Variants in ZDHHC18 observed in about 807,000 individuals in gnomAD.
The protein encoded by ZDHHC18 is zDHHC palmitoyltransferase 18, also known as palmitoyltransferase ZDHHC18.
A neutral mutation model predicts 37.5 loss-of-function variants in ZDHHC18; 23 were observed. The observed-to-expected ratio is 0.61, with a 90% CI of 0.44 to 0.87. The LOEUF (loss-of-function observed/expected upper bound fraction) is 0.87. Among genes scored for constraint, ZDHHC18 ranks in the 40% least tolerant of loss-of-function variants. ZDHHC18 has a pLI of 0.00. For synonymous variants in ZDHHC18, 185 were observed against 218.7 expected, an observed-to-expected ratio of 0.85 and a Z score of 1.36; for missense variants, 406 against 525.6, an observed-to-expected ratio of 0.77 and a Z score of 2.22.
chr1:26,833,999 T>TA (rs1221917500), intron 2 of ZDHHC18, among the ~76,000 whole-genome samples: 2 of 152,178 alleles, frequency 1.3e-5, no homozygotes, highest in African/African-American at 4.8e-5. Flanking sequence ...TCCTCTCACC[T>TA]ACATCCAGCG....
At chr1:26,838,698 G>T (rs372763066) in intron 2 of ZDHHC18, among the ~76,000 whole-genome samples, 5 of 152,222 alleles carry the variant, frequency 3.3e-5, no homozygotes, top group African/African-American at 1.2e-4. Flanking sequence ...GCCATGCCAG[G>T]GTTCAAAATA....
At chr1:26,841,754 C>T (rs1038047676) in intron 2 of ZDHHC18, among the ~76,000 whole-genome samples, 16 of 152,264 alleles carry the variant, frequency 1.1e-4, no homozygotes, top group African/African-American at 3.6e-4. Context: ...GAGGCTAGCA[C>T]TGTGCTCAGG....
At chr1:26,851,992 T>TA (rs768299731) in intron 6 of ZDHHC18, among the ~76,000 whole-genome samples, 6 of 152,336 alleles carry the variant, frequency 3.9e-5, no homozygotes, top group Non-Finnish European at 8.8e-5. Context: ...ATCTGATACT[T>TA]ACCAGCAACC....
In ZDHHC18 at chr1:26,826,896, C is replaced by A; in HGVS notation, c.92C>A (p.Pro31Gln). Residue 31 changes from proline to glutamine, a missense_variant, in exon 1 of 8, where the codon CCG becomes CAG. Coordinates refer to ENST00000374142, the MANE Select transcript of ZDHHC18 (RefSeq NM_032283.3). This position sits in a 1 kb window ranked among gnomAD's most constrained non-coding sequence, Gnocchi z 5.2. ...GARRPGPAAS[P>Q]TPGPGPAPPA... ...CGCCGTCCCGGCCCCGCCGCGTCCC[C>A]GACTCCGGGCCCCGGGCCCGCGCCG... 5.1e-6 allele frequency: 5 copies of A among 983,252 alleles called. No homozygotes were observed. Among genetic ancestry groups the A allele is most frequent in the Non-Finnish European group, 6.0e-6 (5 of 830,110 alleles). 60.9% of individuals were successfully genotyped at this position (983,252 alleles called of 1,614,324 possible).
intron 2 of ZDHHC18, among the ~76,000 whole-genome samples, chr1:26,848,136 ACT>A (rs1310989087): frequency 6.6e-6 from 1 of 151,888 alleles, no homozygotes; most frequent in East Asian, 1.9e-4. Flanking sequence ...ACGTGGTGAA[ACT>A]CTGTCTCTAC....
chr1:26,848,041 G>A (rs890541801), intron 2 of ZDHHC18, among the ~76,000 whole-genome samples: 10 of 152,236 alleles, frequency 6.6e-5, no homozygotes, highest in East Asian at 5.8e-4. Context: ...GGCTGGGCGC[G>A]GTGCATCACT....
intron 1 of ZDHHC18, among the ~76,000 whole-genome samples, chr1:26,829,539 C>G (rs995312262): frequency 2.0e-5 from 3 of 152,124 alleles, no homozygotes; most frequent in South Asian, 2.1e-4. Flanking sequence ...AAACCACTCC[C>G]CTCCTGCACC....
chr1:26,853,628 G>A (rs542308066), intron 7 of ZDHHC18, 98 bp from the exon 8 acceptor site: 777 of 1,154,450 alleles, frequency 6.7e-4, no homozygotes, highest in Admixed American at 1.0e-3. Context: ...TCTCAGCCTG[G>A]GCCTTTCCTT....
At chr1:26,837,971 G>A (rs1010698869) in intron 2 of ZDHHC18, among the ~76,000 whole-genome samples, 2 of 151,610 alleles carry the variant, frequency 1.3e-5, no homozygotes, top group Non-Finnish European at 2.9e-5. Context: ...TTCTGATCCA[G>A]CTTTGCTGTT....
chr1:26,851,245 G>A lies in ZDHHC18; in HGVS notation c.936+14G>A. 6.2e-7 allele frequency: 1 copy of A among 1,612,592 alleles called. No homozygotes were observed. Among genetic ancestry groups the A allele is most frequent in the Non-Finnish European group, 8.5e-7 (1 of 1,178,564 alleles). The stretch of plus-strand genomic sequence containing the variant: ...ACTAATGAAGACGTGAGTAAACCTG[G>A]AGCCACCCCTCATTCTAGGGCAGCG... On this transcript the variant is annotated intron_variant, in intron 6 of 7. Transcript: ENST00000374142.
At chr1:26,840,613 T>C (rs892043473) in intron 2 of ZDHHC18, among the ~76,000 whole-genome samples, 4 of 151,938 alleles carry the variant, frequency 2.6e-5, no homozygotes, top group Admixed American at 6.6e-5. Flanking sequence ...GGCTAATTTT[T>C]GTATTTTTAG....
intron 2 of ZDHHC18, among the ~76,000 whole-genome samples, chr1:26,837,021 G>A (rs889801636): frequency 6.8e-5 from 10 of 148,018 alleles, no homozygotes; most frequent in African/African-American, 2.2e-4. Context: ...GGCCGAAGCA[G>A]GTGGATCACA....
intron 1 of ZDHHC18, 27 bp downstream of exon 1, chr1:26,827,166 TC>T: frequency 8.3e-7 from 1 of 1,199,270 alleles, no homozygotes; most frequent in Non-Finnish European, 1.0e-6. Context: ...CGGCGCCCCC[TC>T]CCAGCCCCCT....
At chr1:26,852,557 A>G (rs1447349117) in intron 6 of ZDHHC18, among the ~76,000 whole-genome samples, 196 bp from the exon 7 acceptor site, 1 of 152,118 alleles carries the variant, frequency 6.6e-6, no homozygotes, top group Non-Finnish European at 1.5e-5. Flanking sequence ...CTGCTCTGTC[A>G]TCTCCTCTTT....
At chr1:26,851,664 AC>A (rs781642979) in intron 6 of ZDHHC18, among the ~76,000 whole-genome samples, 2 of 152,242 alleles carry the variant, frequency 1.3e-5, no homozygotes, top group Non-Finnish European at 2.9e-5. Context: ...GAGAGGTCAC[AC>A]AGCTGGGAGG....
intron 3 of ZDHHC18, among the ~76,000 whole-genome samples, chr1:26,848,997 G>A (rs1054427347): frequency 3.3e-5 from 5 of 152,194 alleles, no homozygotes; most frequent in East Asian, 1.9e-4. Context: ...CCAGCTCTGA[G>A]GTGTGGGGCA....
chr1:26,831,346 A>G (rs1345283520), intron 1 of ZDHHC18, among the ~76,000 whole-genome samples: 4 of 152,222 alleles, frequency 2.6e-5, no homozygotes, highest in Admixed American at 2.0e-4. Flanking sequence ...AGTTTTGTAG[A>G]ATGAGGCTGA....
intron 2 of ZDHHC18, among the ~76,000 whole-genome samples, chr1:26,842,569 T>A (rs1282809471): frequency 6.6e-6 from 1 of 152,238 alleles, no homozygotes; most frequent in Non-Finnish European, 1.5e-5. Flanking sequence ...TTCATTTGAC[T>A]TCAGCCTTAC....
At chr1:26,848,293 A>G (rs1407014976) in intron 2 of ZDHHC18, among the ~76,000 whole-genome samples, 2 of 151,808 alleles carry the variant, frequency 1.3e-5, no homozygotes, top group Non-Finnish European at 2.9e-5. Flanking sequence ...AGCCTGGGCG[A>G]CAGAGTGAGA....
Sources: gnomAD v4.1 joint callset for allele counts (sites outside exome capture counted in the v4.1 genomes callset) on GRCh38, gnomAD v4.1.1 for gene constraint, Gnocchi (gnomAD v3.1) non-coding constraint, MANE v1.5 for transcripts, NCBI Gene and HGNC (gene_info 2026-07-23, HGNC 2026-07-21) for gene names.